OTUD7A: variants seen among roughly 807,000 people sequenced by gnomAD.
OTUD7A encodes the protein OTU domain-containing protein 7A.
In OTUD7A, 12 loss-of-function variants were observed where a neutral mutation model predicts 65.7. The ratio of observed to expected loss-of-function variants is 0.18; its 90% CI spans 0.12 to 0.30. The LOEUF is 0.30. Ranked by LOEUF, OTUD7A falls within the 10% of genes least tolerant of loss-of-function variation. OTUD7A has a pLI of 1.00. For synonymous variants in OTUD7A, 641 were observed against 586.3 expected (o/e 1.09, Z -1.35); for missense variants, 1,148 against 1,304.8 (o/e 0.88, Z 1.85).
chr15:31,763,911 C>G (rs1320918876), intron 1 of OTUD7A, among the ~76,000 whole-genome samples: 1 of 152,106 alleles, frequency 6.6e-6, no homozygotes, highest in Non-Finnish European at 1.5e-5. Flanking sequence ...GAACTGTTAA[C>G]CCAGAATTCT....
intron 1 of OTUD7A, among the ~76,000 whole-genome samples, chr15:31,798,369 G>T (rs191271068): frequency 2.0e-4 from 30 of 152,280 alleles, no homozygotes; most frequent in Admixed American, 1.9e-3. Flanking sequence ...AGTGTTTGTG[G>T]TGTGCTCCCG....
intron 1 of OTUD7A, among the ~76,000 whole-genome samples, chr15:31,722,917 G>C (rs1473259221): frequency 6.6e-6 from 1 of 152,260 alleles, no homozygotes; most frequent in Non-Finnish European, 1.5e-5. Context: ...CTGGGCAGCT[G>C]TGACCCAAAT....
intron 1 of OTUD7A, among the ~76,000 whole-genome samples, chr15:31,678,975 G>C (rs1892653499): frequency 6.6e-6 from 1 of 152,232 alleles, no homozygotes. Context: ...TCTATACCCT[G>C]CAATACCACA....
chr15:31,553,802 C>T (rs903261736), intron 5 of OTUD7A, among the ~76,000 whole-genome samples: 6 of 152,098 alleles, frequency 3.9e-5, no homozygotes, highest in African/African-American at 1.4e-4. Context: ...CCGTCTCTCT[C>T]TGCCCTGGTC....
At chr15:31,576,459 A>G (rs1889206064) in intron 3 of OTUD7A, among the ~76,000 whole-genome samples, 2 of 152,244 alleles carry the variant, frequency 1.3e-5, no homozygotes, top group African/African-American at 4.8e-5. Flanking sequence ...TCAAAGACAT[A>G]AAAGAATGCA....
chr15:31,769,338 G>A, intron 1 of OTUD7A, among the ~76,000 whole-genome samples: 1 of 152,196 alleles, frequency 6.6e-6, no homozygotes, highest in Non-Finnish European at 1.5e-5. Context: ...AATCCCAAAT[G>A]TGTATGCACC....
chr15:31,867,592 G>C (rs1248821613), intron 1 of OTUD7A, among the ~76,000 whole-genome samples: 2 of 152,190 alleles, frequency 1.3e-5, no homozygotes, highest in African/African-American at 2.4e-5. Flanking sequence ...CAAACATCAA[G>C]GGTGTGCAGG....
chr15:31,736,460 C>T (rs925204839), intron 1 of OTUD7A, among the ~76,000 whole-genome samples: 1 of 151,952 alleles, frequency 6.6e-6, no homozygotes, highest in African/African-American at 2.4e-5. Flanking sequence ...TAGCAGAAAA[C>T]AAAAAAGAGG....
At chr15:31,633,938 G>A (rs1205281557) in intron 3 of OTUD7A, among the ~76,000 whole-genome samples, 12 of 152,300 alleles carry the variant, frequency 7.9e-5, no homozygotes, top group Admixed American at 7.8e-4. Context: ...CATAGGTTTT[G>A]TTGAGTGGCC....
chr15:31,748,386 C>T (rs1894536889), intron 1 of OTUD7A, among the ~76,000 whole-genome samples: 1 of 151,184 alleles, frequency 6.6e-6, no homozygotes, highest in Admixed American at 6.6e-5. Flanking sequence ...TATATATACA[C>T]AAACACACAT....
intron 1 of OTUD7A, among the ~76,000 whole-genome samples, chr15:31,855,662 A>G (rs1037489713): frequency 2.6e-5 from 4 of 152,222 alleles, no homozygotes; most frequent in Admixed American, 2.0e-4. Flanking sequence ...TTCCTTGACA[A>G]TGTAAAAAGT....
chr15:31,850,569 A>AATT (rs1180128695), intron 1 of OTUD7A, among the ~76,000 whole-genome samples: 5 of 151,786 alleles, frequency 3.3e-5, no homozygotes, highest in African/African-American at 9.7e-5. Context: ...TAATAATAAT[A>AATT]ATAATAAAGA....
At chr15:31,670,717 C>T (rs1263153459) in intron 1 of OTUD7A, among the ~76,000 whole-genome samples, 5 of 152,232 alleles carry the variant, frequency 3.3e-5, no homozygotes, top group South Asian at 2.1e-4. Flanking sequence ...CCCGGCCGGG[C>T]GCGGTGGCTC....
rs577384949 is a variant in OTUD7A, at chr15:31,774,269, C to A, written c.-100+96238G>T. Among the ~76,000 whole-genome samples the A allele has an allele frequency of 6.6e-5, 10 of 152,380 alleles. No individual in the cohort carries two copies. The East Asian group carries it at 1.9e-3, about 29-fold the overall frequency. ...CAGCCCAGGAACAGGCTGAAGCAGG[C>A]TGCCAGCTGAGTCAGTCAGCCCAGG... On this transcript the variant is annotated intron_variant, in intron 1 of 12. Transcript: ENST00000307050.
intron 5 of OTUD7A, among the ~76,000 whole-genome samples, chr15:31,541,619 C>T (rs1887990047): frequency 6.6e-6 from 1 of 151,990 alleles, no homozygotes; most frequent in South Asian, 2.1e-4. Flanking sequence ...AATGTATATC[C>T]AAGCTTGAAA....
intron 5 of OTUD7A, among the ~76,000 whole-genome samples, chr15:31,542,261 G>C (rs193077682): frequency 6.6e-6 from 1 of 152,020 alleles, no homozygotes; most frequent in African/African-American, 2.4e-5. Flanking sequence ...AAAATGATTA[G>C]AGACTGTAAA....
At chr15:31,808,796 T>C (rs927090893) in intron 1 of OTUD7A, among the ~76,000 whole-genome samples, 1 of 152,134 alleles carries the variant, frequency 6.6e-6, no homozygotes, top group Non-Finnish European at 1.5e-5. Flanking sequence ...AGAGCCAAAG[T>C]GTGGACTTCA....
chr15:31,639,722 G>C (rs570129861), intron 3 of OTUD7A, among the ~76,000 whole-genome samples: 1 of 152,094 alleles, frequency 6.6e-6, no homozygotes, highest in Non-Finnish European at 1.5e-5. Flanking sequence ...TAGGTGTGTA[G>C]TGCTATCTCA....
chr15:31,581,482 G>C (rs1258342878), intron 3 of OTUD7A, among the ~76,000 whole-genome samples: 1 of 152,240 alleles, frequency 6.6e-6, no homozygotes, highest in Non-Finnish European at 1.5e-5. Context: ...TGAGGGTTCT[G>C]CTCCTGCAGT....
Sources: allele counts gnomAD v4.1 joint callset (sites outside exome capture counted in the v4.1 genomes callset), GRCh38; gene constraint gnomAD v4.1.1; transcripts MANE v1.5; gene names NCBI Gene and HGNC (gene_info 2026-07-23, HGNC 2026-07-21).